RBMS1: variants seen among roughly 807,000 people sequenced by gnomAD.
The protein encoded by RBMS1 is RNA binding motif single stranded interacting protein 1, also known as RNA-binding motif, single-stranded-interacting protein 1.
RBMS1 carries 17 observed loss-of-function variants against 62.3 expected under a neutral mutation model. That is an observed-to-expected ratio of 0.27 (90% CI 0.19 to 0.41). RBMS1 has a LOEUF of 0.41. RBMS1 is among the 10% of genes least tolerant of loss of function. The pLI is 1.00. For synonymous variants in RBMS1, 172 were observed against 170.0 expected, an observed-to-expected ratio of 1.01 and a Z score of -0.09; for missense variants, 334 against 504.5, an observed-to-expected ratio of 0.66 and a Z score of 3.24.
chr2:160,275,588 C>CT, intron 13 of RBMS1, 42 bp downstream of exon 13: 1 of 1,602,214 alleles, frequency 6.2e-7, no homozygotes, highest in African/African-American at 1.3e-5. Flanking sequence ...ATAGATTGTG[C>CT]TTGATTTGAG....
Position 160,275,661 on chromosome 2 carries a change from T to G in RBMS1, c.1197A>C (p.Pro399=), listed in dbSNP as rs746255373. ...GTTACTTATTAGGTTGAAAGGTATATGGAGAATGGTCATTAGACGTCTCGA... is the reference window on the plus strand; with the variant it reads ...GTTACTTATTAGGTTGAAAGGTATAGGGAGAATGGTCATTAGACGTCTCGA... The part of the protein sequence containing the change: ...VAVETSNDHS[P]YTFQPNK Residue 399 remains proline (P), a synonymous_variant, in exon 13 of 14, where the codon CCA becomes CCC. Coordinates refer to ENST00000348849, the MANE Select transcript of RBMS1 (RefSeq NM_016836.4). 6.2e-7 allele frequency: 1 copy of G among 1,613,702 alleles called. No homozygotes were observed. Among genetic ancestry groups the G allele is most frequent in the Non-Finnish European group, 8.5e-7 (1 of 1,179,746 alleles).
At chr2:160,278,958 A>T (rs1269162720) in intron 10 of RBMS1, 1 of 226,942 alleles carries the variant, frequency 4.4e-6, no homozygotes, top group Non-Finnish European at 8.6e-6. Context: ...AGTAACTGGA[A>T]GCAAGCTAGT....
At chr2:160,474,459 GGTT>G (rs1239391443) in intron 1 of RBMS1, among the ~76,000 whole-genome samples, 17 of 152,148 alleles carry the variant, frequency 1.1e-4, no homozygotes, top group Admixed American at 9.2e-4. Flanking sequence ...GGGATTTTGC[GGTT>G]GTTCTTTTTG....
intron 2 of RBMS1, among the ~76,000 whole-genome samples, chr2:160,337,283 G>A (rs935099880): frequency 6.6e-6 from 1 of 151,886 alleles, no homozygotes; most frequent in Non-Finnish European, 1.5e-5. Flanking sequence ...ATAGGTTCAT[G>A]TCACTGCAGC....
chr2:160,376,936 G>A (rs2105179368), intron 1 of RBMS1, among the ~76,000 whole-genome samples: 1 of 152,264 alleles, frequency 6.6e-6, no homozygotes, highest in South Asian at 2.1e-4. Context: ...TCAAAGTGCT[G>A]GGACTACAGG....
chr2:160,477,207 C>T (rs1364825792), intron 1 of RBMS1, among the ~76,000 whole-genome samples: 2 of 152,054 alleles, frequency 1.3e-5, no homozygotes, highest in African/African-American at 2.4e-5. Flanking sequence ...TCTAGCAGGG[C>T]GTGGTGGCGC....
intron 1 of RBMS1, among the ~76,000 whole-genome samples, chr2:160,465,885 CA>C (rs1684670045): frequency 6.7e-6 from 1 of 148,474 alleles, no homozygotes; most frequent in African/African-American, 2.5e-5. Context: ...CACACACACA[CA>C]CACTCTCACA....
chr2:160,345,029 G>A (rs999502306), intron 2 of RBMS1, among the ~76,000 whole-genome samples: 15 of 152,124 alleles, frequency 9.9e-5, no homozygotes, highest in Non-Finnish European at 2.2e-4. Flanking sequence ...AATAAGCTTA[G>A]AATGTTACTA....
chr2:160,304,908 G>A (rs1289330880), intron 4 of RBMS1, among the ~76,000 whole-genome samples: 2 of 152,146 alleles, frequency 1.3e-5, no homozygotes, highest in East Asian at 3.9e-4. Flanking sequence ...AGGATGGAGT[G>A]CAGTGGCGCG....
intron 6 of RBMS1, among the ~76,000 whole-genome samples, chr2:160,289,498 T>C (rs758170779): frequency 3.3e-5 from 5 of 152,210 alleles, no homozygotes; most frequent in Non-Finnish European, 7.3e-5. Context: ...TCTAACAGCT[T>C]TCCTCTTTAA....
intron 1 of RBMS1, among the ~76,000 whole-genome samples, chr2:160,370,948 A>T (rs1039700478): frequency 3.3e-5 from 5 of 152,214 alleles, no homozygotes; most frequent in Non-Finnish European, 5.9e-5. Flanking sequence ...ATTAGCTCTT[A>T]AAAAAATCAG....
At chr2:160,296,186 AT>A in intron 6 of RBMS1, among the ~76,000 whole-genome samples, 1 of 151,772 alleles carries the variant, frequency 6.6e-6, no homozygotes. Context: ...TTCTCTTTCC[AT>A]TTTTTTTCAA....
chr2:160,286,929 C>A (rs1316064258), intron 7 of RBMS1, 40 bp downstream of exon 7: 4 of 1,608,244 alleles, frequency 2.5e-6, no homozygotes, highest in African/African-American at 2.7e-5. Context: ...CAAGATCACA[C>A]CCCCTCCCCC....
chr2:160,485,557 G>A (rs1685567714), intron 1 of RBMS1, among the ~76,000 whole-genome samples: 4 of 152,110 alleles, frequency 2.6e-5, no homozygotes, highest in Admixed American at 2.6e-4. Context: ...TTTATGAAAT[G>A]AATTTCAAGT....
At chr2:160,305,919 G>C (rs1689483268) in intron 4 of RBMS1, among the ~76,000 whole-genome samples, 1 of 152,058 alleles carries the variant, frequency 6.6e-6, no homozygotes, top group Non-Finnish European at 1.5e-5. Context: ...AGGATCATTT[G>C]GGACCAAGAG....
intron 1 of RBMS1, among the ~76,000 whole-genome samples, chr2:160,492,350 C>T (rs1685867670): frequency 6.6e-6 from 1 of 152,064 alleles, no homozygotes; most frequent in African/African-American, 2.4e-5. Context: ...GCATCAAATT[C>T]TTATTGTAAA....
At chr2:160,476,492 C>T (rs190261892) in intron 1 of RBMS1, among the ~76,000 whole-genome samples, 1 of 151,472 alleles carries the variant, frequency 6.6e-6, no homozygotes. Context: ...TAAACACTTA[C>T]CAAGTACCTA....
Position 160,493,542 on chromosome 2 carries a change from T to TCC in RBMS1, c.-180_-179insGG, listed in dbSNP as rs1685961617. On this transcript the variant is annotated 5_prime_UTR_variant, in exon 1 of 14. Coordinates refer to ENST00000348849, the MANE Select transcript of RBMS1 (RefSeq NM_016836.4). Reference sequence around the variant, plus strand: ...AGACGTCCTCCTCCTCCTCCTCCTCTTCCTCCTCCTCCTCCTCCTCCTCCT... The same window carrying TCC: ...AGACGTCCTCCTCCTCCTCCTCCTCTCCTCCTCCTCCTCCTCCTCCTCCTCCT... 40 of 494,888 alleles carry TCC rather than the reference T, an allele frequency of 8.1e-5. No homozygotes were observed. The highest frequency in any genetic ancestry group is 5.4e-4 in the Middle Eastern group (1 of 1,836). 30.7% of individuals were successfully genotyped at this position (494,888 alleles called of 1,614,324 possible). A position where few individuals can be genotyped will look rare whatever the true frequency, so the allele number is the denominator to read the frequency against.
intron 1 of RBMS1, among the ~76,000 whole-genome samples, chr2:160,446,185 T>C (rs1683636082): frequency 6.6e-6 from 1 of 152,194 alleles, no homozygotes. Context: ...TATCAAAGAA[T>C]ATGAGACTAT....
Sources: allele counts gnomAD v4.1 joint callset (sites outside exome capture counted in the v4.1 genomes callset), GRCh38; gene constraint gnomAD v4.1.1; transcripts MANE v1.5; gene names NCBI Gene and HGNC (gene_info 2026-07-23, HGNC 2026-07-21).